The following NCOA2 variants were observed in gnomAD, a reference collection of about 807,000 sequenced individuals.
The protein encoded by NCOA2 is nuclear receptor coactivator 2, also known as class E basic helix-loop-helix protein 75.
Under a neutral mutation model 145.1 loss-of-function variants are expected in NCOA2, and 21 were observed. The observed-to-expected ratio is 0.14, with a 90% CI of 0.10 to 0.21. The LOEUF is 0.21. Among genes scored for constraint, NCOA2 ranks in the 10% least tolerant of loss-of-function variants. The pLI is 1.00. For missense variants in NCOA2, 1,472 were observed against 1,837.6 expected (o/e 0.80, Z 3.64); for synonymous variants, 619 against 637.5 (o/e 0.97, Z 0.44).
At chr8:70,218,220 A>T (rs1448685337) in intron 2 of NCOA2, among the ~76,000 whole-genome samples, 3 of 64,378 alleles carry the variant, frequency 4.7e-5, no homozygotes, top group Admixed American at 3.1e-4. Context: ...TTTTTTTTTA[A>T]AGAGTCATAT....
intron 1 of NCOA2, among the ~76,000 whole-genome samples, chr8:70,380,078 A>G (rs1349940284): frequency 6.6e-6 from 1 of 152,198 alleles, no homozygotes; most frequent in Non-Finnish European, 1.5e-5. Context: ...CCTTCTATAA[A>G]TAAGACAGGA....
Position 70,221,526 on chromosome 8 carries a change from G to C in NCOA2, c.-19-4762C>G, listed in dbSNP as rs577629164. 1.8e-4 allele frequency among the ~76,000 whole-genome samples: 28 copies of C among 152,252 alleles called. No homozygotes were observed. In the South Asian group the frequency reaches 5.8e-3, roughly 32 times the overall value. ...TTCAATAAACAAAATGTGCTTTTTG[G>C]ATGTAGATGCCTGAGAAAGAAAAGA... On this transcript the variant is annotated intron_variant, in intron 2 of 22. Coordinates refer to ENST00000452400, the MANE Select transcript of NCOA2 (RefSeq NM_006540.4).
intron 2 of NCOA2, among the ~76,000 whole-genome samples, chr8:70,248,030 T>C (rs1822773206): frequency 6.6e-6 from 1 of 152,236 alleles, no homozygotes; most frequent in African/African-American, 2.4e-5. Context: ...ATTAGCAATT[T>C]TAAACTTTTT....
At chr8:70,147,302 CT>C (rs1811212255) in intron 12 of NCOA2, among the ~76,000 whole-genome samples, 1 of 152,148 alleles carries the variant, frequency 6.6e-6, no homozygotes, top group African/African-American at 2.4e-5. Flanking sequence ...CCGGCCCAAA[CT>C]CATCTGTCTT....
chr8:70,413,288 AACACT>A, the NCOA2 span, among the ~76,000 whole-genome samples: 1 of 152,098 alleles, frequency 6.6e-6, no homozygotes, highest in Non-Finnish European at 1.5e-5. Flanking sequence ...TGCAACCCTC[AACACT>A]ATCCATCTCT....
intron 1 of NCOA2, among the ~76,000 whole-genome samples, chr8:70,298,588 T>C (rs1455075621): frequency 6.6e-6 from 1 of 152,220 alleles, no homozygotes; most frequent in East Asian, 1.9e-4. Flanking sequence ...AAGCCCGTTA[T>C]AATTCTATAC....
intron 18 of NCOA2, 59 bp from the exon 19 acceptor site, chr8:70,127,106 A>T: frequency 1.6e-6 from 2 of 1,248,296 alleles, no homozygotes; most frequent in Non-Finnish European, 2.3e-6. Flanking sequence ...ATTAAAAAAC[A>T]AAGTGAGTAT....
At chr8:70,293,151 C>T (rs569329782) in intron 2 of NCOA2, among the ~76,000 whole-genome samples, 13 of 152,058 alleles carry the variant, frequency 8.5e-5, no homozygotes, top group African/African-American at 2.7e-4. Context: ...TTGCCTAAAG[C>T]AAAAGATATA....
At chr8:70,273,595 G>A in intron 2 of NCOA2, 1 of 749,296 alleles carries the variant, frequency 1.3e-6, no homozygotes, top group Non-Finnish European at 2.4e-6. Context: ...CTAAAGCCCA[G>A]ACATCTCTGG....
chr8:70,288,167 A>G (rs775985904), intron 2 of NCOA2, among the ~76,000 whole-genome samples: 3 of 152,214 alleles, frequency 2.0e-5, no homozygotes, highest in Non-Finnish European at 4.4e-5. Context: ...TTAGAACACT[A>G]CTTGGCACAT....
chr8:70,359,456 A>C (rs1810020583), intron 1 of NCOA2, among the ~76,000 whole-genome samples: 1 of 152,228 alleles, frequency 6.6e-6, no homozygotes, highest in African/African-American at 2.4e-5. Context: ...TGCTAAGAAA[A>C]AGAAACAAGG....
At chr8:70,415,777 T>C in the NCOA2 span, among the ~76,000 whole-genome samples, 3 of 152,220 alleles carry the variant, frequency 2.0e-5, no homozygotes, top group African/African-American at 7.2e-5. Flanking sequence ...AGTTTAGATT[T>C]ATCATCTTCA....
the NCOA2 span, among the ~76,000 whole-genome samples, chr8:70,447,292 A>G: frequency 2.0e-5 from 3 of 152,186 alleles, no homozygotes; most frequent in African/African-American, 4.8e-5. Flanking sequence ...ATCAGAGCAC[A>G]CAATAGCTGG....
intron 4 of NCOA2, among the ~76,000 whole-genome samples, chr8:70,201,055 A>AG (rs1817837216): frequency 6.6e-6 from 1 of 150,856 alleles, no homozygotes; most frequent in African/African-American, 2.4e-5. Context: ...GTCTCAAAAA[A>AG]AAAAAAAAAA....
intron 1 of NCOA2, chr8:70,357,396 A>G (rs1404623466): frequency 2.0e-5 from 3 of 152,148 alleles, no homozygotes; most frequent in Admixed American, 6.6e-5. Context: ...ACAACCATTT[A>G]CAGATTTATT....
intron 2 of NCOA2, among the ~76,000 whole-genome samples, chr8:70,292,980 CTG>C (rs1826810457): frequency 6.6e-6 from 1 of 152,150 alleles, no homozygotes; most frequent in South Asian, 2.1e-4. Context: ...GGAGTCTACC[CTG>C]TGAGACCAGG....
the NCOA2 span, among the ~76,000 whole-genome samples, chr8:70,443,480 T>C: frequency 6.6e-6 from 1 of 152,346 alleles, no homozygotes; most frequent in East Asian, 1.9e-4. Context: ...TTGTATATAT[T>C]TTGAATATAA....
intron 1 of NCOA2, among the ~76,000 whole-genome samples, chr8:70,347,743 A>G (rs569686358): frequency 2.0e-4 from 30 of 152,296 alleles, no homozygotes; most frequent in African/African-American, 7.0e-4. Context: ...TGCCTCAACT[A>G]TAATGTCTCT....
Position 70,138,196 on chromosome 8 carries a change from G to A in NCOA2, c.3158+7C>T. On this transcript the variant is annotated splice_region_variant and intron_variant, in intron 15 of 22. Transcript: ENST00000452400. ...ATAACTGGCTACCCTAGGTGCTCAGGACTCACCTGTTTTGGCTGGCAAAAG... is the reference window on the plus strand; with the variant it reads ...ATAACTGGCTACCCTAGGTGCTCAGAACTCACCTGTTTTGGCTGGCAAAAG... The A allele has an allele frequency of 6.2e-7, 1 of 1,611,416 alleles. No individual in the cohort carries two copies. The highest frequency in any genetic ancestry group is 2.2e-5 in the East Asian group (1 of 44,848).
Sources: allele counts gnomAD v4.1 joint callset (sites outside exome capture counted in the v4.1 genomes callset), GRCh38; gene constraint gnomAD v4.1.1; transcripts MANE v1.5; gene names NCBI Gene and HGNC (gene_info 2026-07-23, HGNC 2026-07-21).